PCDHGA1: variants seen among roughly 807,000 people sequenced by gnomAD.
The protein encoded by PCDHGA1 is protocadherin gamma-A1.
A neutral mutation model predicts 58.0 loss-of-function variants in PCDHGA1; 32 were observed. The ratio of observed to expected loss-of-function variants is 0.55; its 90% CI spans 0.42 to 0.74. PCDHGA1 has a LOEUF of 0.74. Ranked by LOEUF, PCDHGA1 falls within the 30% of genes least tolerant of loss-of-function variation. The probability of loss-of-function intolerance (pLI) is 0.00; values close to 1 mark genes in which losing one functional copy is unlikely to be tolerated. For missense variants in PCDHGA1, 1,205 were observed against 1,182.3 expected (o/e 1.02, Z -0.28); for synonymous variants, 498 against 501.1 (o/e 0.99, Z 0.08).
At chr5:141,484,644 A>G (rs1165542601) in intron 1 of PCDHGA1, among the ~76,000 whole-genome samples, 1 of 151,748 alleles carries the variant, frequency 6.6e-6, no homozygotes, top group African/African-American at 2.4e-5. Flanking sequence ...CCACTCTCCA[A>G]TGGCTACTCT....
intron 1 of PCDHGA1, among the ~76,000 whole-genome samples, chr5:141,370,010 TAAC>T (rs1460058955): frequency 6.6e-6 from 1 of 152,172 alleles, no homozygotes; most frequent in African/African-American, 2.4e-5. Context: ...TTAAAAGAAA[TAAC>T]AGACTAAAGA....
At chr5:141,433,995 C>G (rs995723859) in intron 1 of PCDHGA1, among the ~76,000 whole-genome samples, 1 of 152,028 alleles carries the variant, frequency 6.6e-6, no homozygotes, top group Non-Finnish European at 1.5e-5. Context: ...GTTTTATATT[C>G]TCTATATATG....
At chr5:141,483,812 A>C (rs1188806533) in intron 1 of PCDHGA1, among the ~76,000 whole-genome samples, 2 of 152,162 alleles carry the variant, frequency 1.3e-5, no homozygotes, top group Non-Finnish European at 2.9e-5. Context: ...TTTTTTTGGC[A>C]GCCAGTGTAA....
chr5:141,479,941 T>C (rs983830280), intron 1 of PCDHGA1, among the ~76,000 whole-genome samples: 2 of 152,194 alleles, frequency 1.3e-5, no homozygotes, highest in Admixed American at 6.5e-5. Context: ...TGCTATCAAC[T>C]CTTGGATTTG....
chr5:141,484,788 TAAC>T (rs1245576501), intron 1 of PCDHGA1, among the ~76,000 whole-genome samples: 1 of 151,732 alleles, frequency 6.6e-6, no homozygotes, highest in Non-Finnish European at 1.5e-5. Flanking sequence ...CCCACAGAGA[TAAC>T]AACCCGTGGA....
chr5:141,413,198 C>G, intron 1 of PCDHGA1: 1 of 1,611,416 alleles, frequency 6.2e-7, no homozygotes, highest in Non-Finnish European at 8.5e-7. Context: ...AGGAATCGCT[C>G]AAAGGAATCA....
chr5:141,379,082 T>C (rs982884901), intron 1 of PCDHGA1: 9 of 152,216 alleles, frequency 5.9e-5, no homozygotes, highest in Non-Finnish European at 1.2e-4. Flanking sequence ...CTGAATTTGT[T>C]ATGAATGTGT....
intron 1 of PCDHGA1, chr5:141,416,389 T>A (rs2096020280): frequency 6.6e-6 from 1 of 152,236 alleles, no homozygotes; most frequent in Non-Finnish European, 1.5e-5. Context: ...TATTTGGGAT[T>A]CTGCTTTTGT....
chr5:141,398,858 G>C, intron 1 of PCDHGA1: 2 of 1,613,986 alleles, frequency 1.2e-6, no homozygotes, highest in Non-Finnish European at 1.7e-6. Flanking sequence ...GTATTCAACC[G>C]AGACGTGTAC....
At chr5:141,340,535 T>A (rs1253651725) in intron 1 of PCDHGA1, 1 of 1,614,092 alleles carries the variant, frequency 6.2e-7, no homozygotes, top group East Asian at 2.2e-5. Context: ...CTCCTTTGAT[T>A]ATGAGCAGTT....
chr5:141,404,759 T>C, intron 1 of PCDHGA1: 2 of 1,613,632 alleles, frequency 1.2e-6, no homozygotes, highest in Non-Finnish European at 1.7e-6. Flanking sequence ...CCAGAATGCT[T>C]GGCTCTCCTA....
chr5:141,340,241 G>T (rs543278330), intron 1 of PCDHGA1: 1 of 1,614,000 alleles, frequency 6.2e-7, no homozygotes, highest in Admixed American at 1.7e-5. Flanking sequence ...CACTCTAACC[G>T]CTAAAGATGG....
At chr5:141,351,827 G>A (rs191017713) in intron 1 of PCDHGA1, 5 of 1,613,080 alleles carry the variant, frequency 3.1e-6, no homozygotes, top group Non-Finnish European at 4.2e-6. Flanking sequence ...GCAGCTGCGC[G>A]CCTTCGAGCT....
chr5:141,456,353 G>A (rs1041991824), intron 1 of PCDHGA1, among the ~76,000 whole-genome samples: 2 of 152,120 alleles, frequency 1.3e-5, no homozygotes, highest in South Asian at 2.1e-4. Context: ...GAAGAATGGC[G>A]TCCATGTGTG....
rs1364415249 is a variant in PCDHGA1 at position 141,489,240 on chromosome 5, C to A, written c.2422-5567C>A. The stretch of plus-strand genomic sequence containing the variant: ...ACTCTCCACAAAGGGACTTCTGGGT[C>A]ATGGGGCCCAAGACACTCCCACAGC... On this transcript the variant is annotated intron_variant, in intron 1 of 3. Coordinates refer to ENST00000517417, the MANE Select transcript of PCDHGA1 (RefSeq NM_018912.3). The surrounding 1 kb of genome is among the most constrained non-coding windows in gnomAD (Gnocchi z 4.5). 1 of 1,534,136 alleles carries A rather than the reference C, an allele frequency of 6.5e-7. No individual in the cohort carries two copies. Among genetic ancestry groups the A allele is most frequent in the South Asian group, 1.3e-5 (1 of 76,896 alleles).
At chr5:141,395,186 G>A in intron 1 of PCDHGA1, 1 of 1,614,086 alleles carries the variant, frequency 6.2e-7, no homozygotes, top group Non-Finnish European at 8.5e-7. Flanking sequence ...ATGATTCTTT[G>A]TTAACATCCG....
Position 141,398,804 on chromosome 5 carries a change from C to G in PCDHGA1, c.2421+65699C>G, listed in dbSNP as rs1283760076. 9 of 1,613,894 alleles carry G rather than the reference C, an allele frequency of 5.6e-6. No homozygotes were observed. In the South Asian group the frequency reaches 8.8e-5, roughly 16 times the overall value. On this transcript the variant is annotated intron_variant, in intron 1 of 3. Coordinates refer to ENST00000517417, the MANE Select transcript of PCDHGA1 (RefSeq NM_018912.3). ...GGACATCCACCCCTAAGCGGCACCA[C>G]TGAGCTCCGGATCCAGGTAACCGAC... is the stretch of plus-strand genomic sequence containing the variant.
At chr5:141,376,381 T>C (rs1588802356) in intron 1 of PCDHGA1, 13 of 1,613,972 alleles carry the variant, frequency 8.1e-6, no homozygotes, top group Middle Eastern at 1.7e-4. Context: ...CGCGTAAGAG[T>C]CATCTGATTT....
intron 1 of PCDHGA1, chr5:141,427,435 T>C (rs536693959): frequency 2.1e-6 from 1 of 474,160 alleles, no homozygotes; most frequent in African/African-American, 2.0e-5. Flanking sequence ...ACATGCCTCA[T>C]AAACGAAAGA....
Sources: gnomAD v4.1 joint callset for allele counts (sites outside exome capture counted in the v4.1 genomes callset) on GRCh38, gnomAD v4.1.1 for gene constraint, Gnocchi (gnomAD v3.1) non-coding constraint, MANE v1.5 for transcripts, NCBI Gene and HGNC (gene_info 2026-07-23, HGNC 2026-07-21) for gene names.